Variants in DNAJC12 observed in about 807,000 individuals in gnomAD.
DNAJC12 encodes the protein DnaJ heat shock protein family (Hsp40) member C12.
A neutral mutation model predicts 28.5 loss-of-function variants in DNAJC12; 25 were observed. The observed-to-expected ratio is 0.88, with a 90% CI of 0.64 to 1.22. The LOEUF is 1.22. DNAJC12 is among the 50% of genes most tolerant of loss of function. DNAJC12 has a pLI of 0.00. For synonymous variants in DNAJC12, 77 were observed against 80.6 expected (o/e 0.95, Z 0.24); for missense variants, 222 against 231.7 (o/e 0.96, Z 0.27).
chr10:67,815,997 A>T, intron 2 of DNAJC12: 1 of 398,284 alleles, frequency 2.5e-6, no homozygotes, highest in East Asian at 3.6e-5. Context: ...TTTTCCATTA[A>T]TGTAGCAACT....
intron 2 of DNAJC12, among the ~76,000 whole-genome samples, chr10:67,818,546 A>C (rs773077314): frequency 6.6e-6 from 1 of 152,220 alleles, no homozygotes; most frequent in Admixed American, 6.5e-5. Context: ...TCCTGAATAA[A>C]AATTGTTTGT....
intron 4 of DNAJC12, among the ~76,000 whole-genome samples, chr10:67,801,697 G>A (rs2131788053): frequency 6.6e-6 from 1 of 151,540 alleles, no homozygotes; most frequent in East Asian, 1.9e-4. Flanking sequence ...GGCTGAGGCA[G>A]GAGAATCTCT....
chr10:67,811,443 A>T (rs1564860225), intron 3 of DNAJC12, 81 bp downstream of exon 3: 1 of 1,578,104 alleles, frequency 6.3e-7, no homozygotes, highest in African/African-American at 1.4e-5. Context: ...TCGCCTAATG[A>T]CTCTTTAAGC....
At chr10:67,815,767 G>C (rs564382151) in intron 2 of DNAJC12, among the ~76,000 whole-genome samples, 1 of 152,276 alleles carries the variant, frequency 6.6e-6, no homozygotes, top group Admixed American at 6.5e-5. Flanking sequence ...AAAGATTTAT[G>C]TATTTATCTG....
Position 67,820,908 on chromosome 10 carries a change from C to T in DNAJC12, c.157+2406G>A, listed in dbSNP as rs957554732. ...AAGCAATTCTCCTGCCTCAGCCTCC[C>T]AAGTAGCTGGGATTACACGCATGCG... is the stretch of plus-strand genomic sequence containing the variant. On this transcript the variant is annotated intron_variant, in intron 2 of 4. Transcript: ENST00000225171. Among the ~76,000 whole-genome samples the T allele has an allele frequency of 3.3e-5, 5 of 151,130 alleles. No individual in the cohort carries two copies. The Admixed American group carries it at 3.3e-4, about 10-fold the overall frequency.
At chr10:67,797,804 GCC>G (rs1841690459) in intron 4 of DNAJC12, among the ~76,000 whole-genome samples, 1 of 152,078 alleles carries the variant, frequency 6.6e-6, no homozygotes, top group South Asian at 2.1e-4. Flanking sequence ...ACTTTGGGAG[GCC>G]AAGGCGGGCG....
At chr10:67,826,922 T>TATATATATCATGATATATATA (rs1378039420) in intron 1 of DNAJC12, among the ~76,000 whole-genome samples, 1 of 141,252 alleles carries the variant, frequency 7.1e-6, no homozygotes, top group Admixed American at 7.4e-5. Context: ...TGATATATAA[T>TATATATATCATGATATATATA]ATATATATCA....
intron 2 of DNAJC12, among the ~76,000 whole-genome samples, chr10:67,821,200 A>C (rs1841978138): frequency 6.6e-6 from 1 of 152,226 alleles, no homozygotes; most frequent in South Asian, 2.1e-4. Context: ...TGCTATACGC[A>C]TATAGTAAAC....
chr10:67,829,484 C>CA (rs899351069), intron 1 of DNAJC12, among the ~76,000 whole-genome samples: 5 of 151,824 alleles, frequency 3.3e-5, no homozygotes, highest in East Asian at 1.9e-4. Context: ...ACTAAAAATA[C>CA]AAAAAAATTA....
chr10:67,826,802 A>AT (rs1564865976), intron 1 of DNAJC12, among the ~76,000 whole-genome samples: 4 of 125,502 alleles, frequency 3.2e-5, no homozygotes, highest in African/African-American at 6.0e-5. Context: ...GATATCAGAT[A>AT]TATAATGATA....
At chr10:67,823,711 A>T (rs886916723) in intron 1 of DNAJC12, among the ~76,000 whole-genome samples, 14 of 144,246 alleles carry the variant, frequency 9.7e-5, no homozygotes, top group South Asian at 2.2e-4. Flanking sequence ...AAAAAAAAAA[A>T]GGTCAAACTT....
At chr10:67,807,832 A>G (rs1841818650) in intron 3 of DNAJC12, among the ~76,000 whole-genome samples, 1 of 152,254 alleles carries the variant, frequency 6.6e-6, no homozygotes, top group Admixed American at 6.5e-5. Flanking sequence ...AAAGGTCCTC[A>G]GTGAAAAGAT....
chr10:67,823,225 A>G (rs1270208311), intron 2 of DNAJC12, 89 bp downstream of exon 2: 2 of 1,075,066 alleles, frequency 1.9e-6, no homozygotes, highest in African/African-American at 3.2e-5. Flanking sequence ...TAGACAAGAG[A>G]AAATTGAGAA....
chr10:67,815,929 C>A (rs1010862900), intron 2 of DNAJC12: 3 of 395,494 alleles, frequency 7.6e-6, no homozygotes, highest in African/African-American at 4.1e-5. Context: ...TATAATGTGA[C>A]CTTTCTCTTG....
chr10:67,816,308 T>A (rs1193053131), intron 2 of DNAJC12, among the ~76,000 whole-genome samples: 1 of 152,106 alleles, frequency 6.6e-6, no homozygotes, highest in Non-Finnish European at 1.5e-5. Flanking sequence ...TGGTTCTCTA[T>A]CAGGGAAAGA....
intron 4 of DNAJC12, among the ~76,000 whole-genome samples, chr10:67,798,741 C>T (rs1405056558): frequency 2.1e-5 from 3 of 141,502 alleles, no homozygotes; most frequent in Non-Finnish European, 3.0e-5. Context: ...TGGATTGTTA[C>T]AATAGATGTG....
intron 3 of DNAJC12, among the ~76,000 whole-genome samples, chr10:67,808,266 C>T (rs867675559): frequency 6.6e-6 from 1 of 152,146 alleles, no homozygotes; most frequent in South Asian, 2.1e-4. Context: ...GGAGAGTCTA[C>T]AGCAAGATAA....
At chr10:67,822,593 TGGATA>T (rs1322041472) in intron 2 of DNAJC12, among the ~76,000 whole-genome samples, 1 of 151,936 alleles carries the variant, frequency 6.6e-6, no homozygotes, top group Non-Finnish European at 1.5e-5. Context: ...TTCCCAAGCT[TGGATA>T]GGTATAAGCA....
chr10:67,804,433 A>T (rs900420080), intron 4 of DNAJC12, among the ~76,000 whole-genome samples: 9 of 152,144 alleles, frequency 5.9e-5, no homozygotes, highest in Non-Finnish European at 1.2e-4. Context: ...TGATCATCAC[A>T]CACAGCAGCT....
Sources: allele counts gnomAD v4.1 joint callset (sites outside exome capture counted in the v4.1 genomes callset), GRCh38; gene constraint gnomAD v4.1.1; transcripts MANE v1.5; gene names NCBI Gene and HGNC (gene_info 2026-07-23, HGNC 2026-07-21).